ULK4: variants seen among roughly 807,000 people sequenced by gnomAD.
The protein encoded by ULK4 is unc-51 like kinase 4.
In ULK4, 133 loss-of-function variants were observed where a neutral mutation model predicts 160.6. The observed-to-expected ratio is 0.83, with a 90% CI of 0.72 to 0.96. The LOEUF (loss-of-function observed/expected upper bound fraction) is 0.96, where lower values mean the gene tolerates loss of function less well. Among genes scored for constraint, ULK4 ranks in the 40% least tolerant of loss-of-function variants. The probability of loss-of-function intolerance (pLI) is 0.00; values close to 1 mark genes in which losing one functional copy is unlikely to be tolerated. For synonymous variants in ULK4, 534 were observed against 539.8 expected (o/e 0.99, Z 0.15); for missense variants, 1,580 against 1,499.5 (o/e 1.05, Z -0.89).
At chr3:41,842,874 A>G (rs751559832) in intron 17 of ULK4, among the ~76,000 whole-genome samples, 5 of 152,226 alleles carry the variant, frequency 3.3e-5, no homozygotes, top group Non-Finnish European at 5.9e-5. Flanking sequence ...AGCTCCACAC[A>G]AGAATAGCCA....
intron 35 of ULK4, among the ~76,000 whole-genome samples, chr3:41,336,370 C>T (rs557852454): frequency 6.6e-6 from 1 of 152,190 alleles, no homozygotes; most frequent in Admixed American, 6.5e-5. Flanking sequence ...GAACTTCAAG[C>T]TCCCTCTGAA....
At chr3:41,518,647 A>G (rs2085829002) in intron 32 of ULK4, among the ~76,000 whole-genome samples, 1 of 152,184 alleles carries the variant, frequency 6.6e-6, no homozygotes, top group South Asian at 2.1e-4. Flanking sequence ...GCTGCCCGAC[A>G]TTAGATTTTT....
At chr3:41,576,448 C>T (rs2088190967) in intron 31 of ULK4, among the ~76,000 whole-genome samples, 2 of 152,188 alleles carry the variant, frequency 1.3e-5, no homozygotes. Context: ...TGCCTATGTG[C>T]AGTCCCTGGT....
intron 35 of ULK4, among the ~76,000 whole-genome samples, chr3:41,310,190 G>A (rs967956056): frequency 3.8e-4 from 58 of 152,120 alleles, no homozygotes; most frequent in Admixed American, 2.1e-3. Context: ...ATCATCAAAT[G>A]GACCAAATGT....
At chr3:41,872,589 C>A (rs1697137040) in intron 17 of ULK4, among the ~76,000 whole-genome samples, 1 of 152,110 alleles carries the variant, frequency 6.6e-6, no homozygotes, top group African/African-American at 2.4e-5. Flanking sequence ...TCCCTTCTTT[C>A]AGGTAGTGTG....
At chr3:41,687,867 G>C (rs1030323289) in intron 27 of ULK4, 1 of 152,262 alleles carries the variant, frequency 6.6e-6, no homozygotes, top group African/African-American at 2.4e-5. Context: ...GCTCCCAAGT[G>C]CATGTTGAGG....
intron 35 of ULK4, among the ~76,000 whole-genome samples, chr3:41,329,697 G>A (rs1157483617): frequency 1.3e-5 from 2 of 152,006 alleles, no homozygotes; most frequent in Non-Finnish European, 2.9e-5. Context: ...TATAAAAATG[G>A]ACCAAAATTT....
At chr3:41,731,333 C>A (rs2037814437) in intron 22 of ULK4, among the ~76,000 whole-genome samples, 1 of 151,866 alleles carries the variant, frequency 6.6e-6, no homozygotes, top group African/African-American at 2.4e-5. Context: ...TAAAGCATTT[C>A]TATATATCAA....
intron 5 of ULK4, among the ~76,000 whole-genome samples, chr3:41,928,988 T>A (rs1716645): frequency 6.6e-6 from 1 of 151,790 alleles, no homozygotes; most frequent in Non-Finnish European, 1.5e-5. Context: ...ACTAACTCAT[T>A]TTATGAGGCC....
At position 41,703,862 on chromosome 3, in the gene ULK4, AC is replaced by A. The variant is rs1559496377; in HGVS notation, c.2781+1194del. Among the ~76,000 whole-genome samples, 79 of 149,552 alleles carry A rather than the reference AC, an allele frequency of 5.3e-4. 1 individual carries two copies. In the South Asian group the frequency reaches 9.5e-3, roughly 18 times the overall value. ...CACACACACACACACACACACACAC[AC>A]ACACACACACACAAGTTAACTGTGT... On this transcript the variant is annotated intron_variant, in intron 27 of 36. Transcript: ENST00000301831.
intron 9 of ULK4, among the ~76,000 whole-genome samples, chr3:41,912,227 C>CT (rs1456935816): frequency 6.6e-6 from 1 of 150,638 alleles, no homozygotes; most frequent in Non-Finnish European, 1.5e-5. Flanking sequence ...ACCCAGGAAT[C>CT]TGAGGTAGGA....
chr3:41,304,893 C>T (rs915583688), intron 35 of ULK4, among the ~76,000 whole-genome samples: 1 of 152,128 alleles, frequency 6.6e-6, no homozygotes, highest in African/African-American at 2.4e-5. Flanking sequence ...TGCATTTGGC[C>T]CAGCTGCAGG....
rs1286162962 is a variant in ULK4 at position 41,534,974 on chromosome 3, TATACATATAC to T, written c.3226+31041_3226+31050del. 2.6e-5 allele frequency among the ~76,000 whole-genome samples: 4 copies of T among 152,222 alleles called. No individual in the cohort carries two copies. In the South Asian group the frequency reaches 6.2e-4, roughly 24 times the overall value. On this transcript the variant is annotated intron_variant, in intron 32 of 36. Transcript: ENST00000301831. Reference sequence around the variant, plus strand: ...AACTATATGTATGTGTATGTGTGTATATACATATACATACATATACACACACATAAGGGGA... The same window carrying T: ...AACTATATGTATGTGTATGTGTGTATATACATATACACACACATAAGGGGA...
chr3:41,573,459 C>T (rs1052267029), intron 31 of ULK4, among the ~76,000 whole-genome samples: 32 of 152,314 alleles, frequency 2.1e-4, no homozygotes, highest in African/African-American at 7.5e-4. Context: ...TGGTAAGGAT[C>T]TAAATAGTCA....
chr3:41,752,825 C>G (rs1292767277), intron 22 of ULK4, among the ~76,000 whole-genome samples: 1 of 152,120 alleles, frequency 6.6e-6, no homozygotes, highest in Non-Finnish European at 1.5e-5. Flanking sequence ...GTTATCTCCC[C>G]CTTCCCCGAA....
intron 5 of ULK4, chr3:41,931,606 G>T: frequency 7.1e-6 from 3 of 423,296 alleles, no homozygotes. Flanking sequence ...AAAACATAAA[G>T]CTGAGGACGA....
chr3:41,882,273 C>T, intron 17 of ULK4: 1 of 702,946 alleles, frequency 1.4e-6, no homozygotes, highest in South Asian at 1.5e-5. Context: ...TCCAATGGAG[C>T]TTGTAGTCTA....
intron 32 of ULK4, among the ~76,000 whole-genome samples, chr3:41,527,504 C>T (rs2086161058): frequency 1.3e-5 from 2 of 152,200 alleles, no homozygotes; most frequent in African/African-American, 2.4e-5. Flanking sequence ...GGGACAGACA[C>T]ATTAAGTCAC....
At chr3:41,353,336 T>A (rs539643594) in intron 35 of ULK4, among the ~76,000 whole-genome samples, 2 of 152,286 alleles carry the variant, frequency 1.3e-5, no homozygotes, top group South Asian at 4.1e-4. Context: ...TAAAATATTT[T>A]AACATTCTGG....
Sources: allele counts gnomAD v4.1 joint callset (sites outside exome capture counted in the v4.1 genomes callset), GRCh38; gene constraint gnomAD v4.1.1; transcripts MANE v1.5; gene names NCBI Gene and HGNC (gene_info 2026-07-23, HGNC 2026-07-21).